The following ZNF514 variants were observed in gnomAD, a reference collection of about 807,000 sequenced individuals.
ZNF514 encodes zinc finger protein 514.
Under a neutral mutation model 9.7 loss-of-function variants are expected in ZNF514, and 12 were observed. The observed-to-expected ratio is 1.24, with a 90% confidence interval of 0.79 to 2.01. The LOEUF is 2.01. ZNF514 is among the 30% of genes most tolerant of loss of function. The pLI is 0.00. For synonymous variants in ZNF514, 158 were observed against 163.7 expected (o/e 0.97, Z 0.27); for missense variants, 467 against 465.5 (o/e 1.00, Z -0.03).
the ZNF514 span, among the ~76,000 whole-genome samples, chr2:95,139,355 T>A: frequency 6.6e-6 from 1 of 152,222 alleles, no homozygotes; most frequent in Non-Finnish European, 1.5e-5. Context: ...AATCTCAGCA[T>A]GGAAAAGCCA....
the ZNF514 span, among the ~76,000 whole-genome samples, chr2:95,133,305 G>A: frequency 2.0e-5 from 3 of 152,170 alleles, no homozygotes; most frequent in Non-Finnish European, 2.9e-5. Flanking sequence ...CTGCACTCCA[G>A]CCTGGGCGAC....
intron 1 of ZNF514, chr2:95,158,920 C>A: frequency 7.8e-7 from 1 of 1,289,820 alleles, no homozygotes; most frequent in Non-Finnish European, 1.0e-6. Flanking sequence ...TCGGTACTAG[C>A]TCCCCAAGAG....
At chr2:95,129,825 CA>C in the ZNF514 span, among the ~76,000 whole-genome samples, 21 of 152,120 alleles carry the variant, frequency 1.4e-4, no homozygotes, top group Non-Finnish European at 2.8e-4. Flanking sequence ...TTATTTAAAA[CA>C]GAGTTTGGGG....
chr2:95,136,348 T>C, the ZNF514 span, among the ~76,000 whole-genome samples: 13 of 152,026 alleles, frequency 8.6e-5, no homozygotes, highest in East Asian at 2.5e-3. Context: ...CCCAGGTTCA[T>C]GTGATTCTCC....
At position 95,146,325 on chromosome 2, in the gene ZNF514, A is replaced by C. The variant is rs1673358680; in HGVS notation, c.*2957T>G. ...ATTGTCCATTTTTAAAAACTTACAC[A>C]AACAAATATGTTTATGATTACAAAT... On this transcript the variant is annotated 3_prime_UTR_variant, in exon 5 of 5. Coordinates refer to ENST00000295208, the MANE Select transcript of ZNF514 (RefSeq NM_032788.3). Among the ~76,000 whole-genome samples, 1 of 131,458 alleles carries C rather than the reference A, an allele frequency of 7.6e-6. No individual in the cohort carries two copies. 86.2% of individuals were successfully genotyped at this position (131,458 alleles called of 152,430 possible). A position where few individuals can be genotyped will look rare whatever the true frequency, so the allele number is the denominator to read the frequency against.
chr2:95,131,464 G>T, the ZNF514 span, among the ~76,000 whole-genome samples: 1 of 152,312 alleles, frequency 6.6e-6, no homozygotes, highest in South Asian at 2.1e-4. Context: ...GGTTCACTCT[G>T]TTCCCAAATG....
the ZNF514 span, among the ~76,000 whole-genome samples, chr2:95,125,121 C>T: frequency 1.3e-5 from 2 of 151,850 alleles, no homozygotes; most frequent in African/African-American, 4.8e-5. Flanking sequence ...TCAAGCGATC[C>T]GCCCACCTCA....
the ZNF514 span, among the ~76,000 whole-genome samples, chr2:95,134,908 T>C: frequency 6.6e-6 from 1 of 152,206 alleles, no homozygotes; most frequent in Admixed American, 6.5e-5. Flanking sequence ...CATAGACACA[T>C]AGGTTTATTT....
At chr2:95,144,188 A>T (rs938161140), downstream of ZNF514, among the ~76,000 whole-genome samples, 3 of 152,204 alleles carry the variant, frequency 2.0e-5, no homozygotes, top group African/African-American at 7.2e-5. Flanking sequence ...TACTTTATTC[A>T]TCCATTGTTG....
chr2:95,149,318 T>G lies in ZNF514; in HGVS notation c.1167A>C (p.Lys389Asn). The change falls in exon 5 of 5, where the codon AAA becomes AAC. Residue 389 changes from lysine to asparagine, a missense_variant. Transcript: ENST00000295208. Reference protein sequence around the residue: ...RAFAHTASLIKHQRSHAGKKT... With the variant: ...RAFAHTASLINHQRSHAGKKT... The stretch of plus-strand genomic sequence containing the variant: ...TTTTTCCAGCATGACTTCTCTGATG[T>G]TTAATAAGGGATGCAGTATGAGCAA... 6.3e-7 allele frequency: 1 copy of G among 1,594,662 alleles called. No homozygotes were observed. The highest frequency in any genetic ancestry group is 8.6e-7 in the Non-Finnish European group (1 of 1,169,536).
At chr2:95,131,562 T>G in the ZNF514 span, among the ~76,000 whole-genome samples, 1 of 152,318 alleles carries the variant, frequency 6.6e-6, no homozygotes, top group Non-Finnish European at 1.5e-5. Context: ...CTTTCCAGTG[T>G]CGGGTGTCAG....
the ZNF514 span, among the ~76,000 whole-genome samples, chr2:95,125,557 T>A: frequency 6.6e-6 from 1 of 152,190 alleles, no homozygotes; most frequent in Non-Finnish European, 1.5e-5. Flanking sequence ...CATTTTTAAG[T>A]GTACAATTCA....
the ZNF514 span, among the ~76,000 whole-genome samples, chr2:95,134,106 C>T: frequency 1.3e-5 from 2 of 152,122 alleles, no homozygotes; most frequent in African/African-American, 4.8e-5. Context: ...CTAAAGGAAT[C>T]TTTTCCCCTA....
Position 95,146,504 on chromosome 2 carries a change from T to C in ZNF514, c.*2778A>G, listed in dbSNP as rs1035675444. The stretch of plus-strand genomic sequence containing the variant: ...TAAGGTAAAGGTTTGCAGGCTGAGA[T>C]GTGGAAAGGCATGTCTGAGGGATGA... On this transcript the variant is annotated 3_prime_UTR_variant, in exon 5 of 5. Coordinates refer to ENST00000295208, the MANE Select transcript of ZNF514 (RefSeq NM_032788.3). 3.3e-5 allele frequency among the ~76,000 whole-genome samples: 5 copies of C among 151,886 alleles called. No homozygotes were observed. Among genetic ancestry groups the C allele is most frequent in the Non-Finnish European group, 7.4e-5 (5 of 67,994 alleles).
At position 95,149,505 on chromosome 2, in the gene ZNF514, T is replaced by C. The variant is rs1186392735; in HGVS notation, c.980A>G (p.Gln327Arg). ...GTAATGCACAATGAGTGATGAGCTC[T>C]GGCTGAAGGTTCTCCCACATTCCCG... Reference protein sequence around the residue: ...ECRECGRTFSQSSSLIVHYRF... With the variant: ...ECRECGRTFSRSSSLIVHYRF... Residue 327 changes from glutamine to arginine, a missense_variant, in exon 5 of 5, where the codon CAG becomes CGG. By Grantham distance (43) the Gln-to-Arg change is conservative. Coordinates refer to ENST00000295208, the MANE Select transcript of ZNF514 (RefSeq NM_032788.3). 1 of 1,614,130 alleles carries C rather than the reference T, an allele frequency of 6.2e-7. No homozygotes were observed. The highest frequency in any genetic ancestry group is 8.5e-7 in the Non-Finnish European group (1 of 1,180,016).
rs931545199 is a variant in ZNF514, at chr2:95,146,873, T to C, written c.*2409A>G. ...TATTTCTGCTCCTGTAAACCTTGGC[T>C]GTCCAGGAATAAATTTCTGTGTGAT... On this transcript the variant is annotated 3_prime_UTR_variant, in exon 5 of 5. Coordinates refer to ENST00000295208, the MANE Select transcript of ZNF514 (RefSeq NM_032788.3). 6.6e-6 allele frequency among the ~76,000 whole-genome samples: 1 copy of C among 152,140 alleles called. No individual in the cohort carries two copies. Among genetic ancestry groups the C allele is most frequent in the African/African-American group, 2.4e-5 (1 of 41,432 alleles).
chr2:95,157,346 C>T lies in ZNF514; in HGVS notation c.-7+5G>A. 1 of 1,289,142 alleles carries T rather than the reference C, an allele frequency of 7.8e-7. No individual in the cohort carries two copies. The highest frequency in any genetic ancestry group is 1.2e-5 in the South Asian group (1 of 81,018). 79.9% of individuals were successfully genotyped at this position (1,289,142 alleles called of 1,614,324 possible). Reference sequence around the variant, plus strand: ...ATTTGAGGAAAAATTAAGAATACAACTCACCCGAGGCCTGGCTTTCAGGAA... The same window carrying T: ...ATTTGAGGAAAAATTAAGAATACAATTCACCCGAGGCCTGGCTTTCAGGAA... On this transcript the variant is annotated splice_donor_5th_base_variant and intron_variant, in intron 2 of 4. Transcript: ENST00000295208.
chr2:95,140,350 T>C (rs1472062324), downstream of ZNF514, among the ~76,000 whole-genome samples: 1 of 152,324 alleles, frequency 6.6e-6, no homozygotes, highest in East Asian at 1.9e-4. Flanking sequence ...CCAGGCACCA[T>C]GGCTCACGCC....
Position 95,148,649 on chromosome 2 carries a change from C to T in ZNF514, c.*633G>A, listed in dbSNP as rs1023290207. On this transcript the variant is annotated 3_prime_UTR_variant, in exon 5 of 5. Coordinates refer to ENST00000295208, the MANE Select transcript of ZNF514 (RefSeq NM_032788.3). ...ACATTCATCACGTCACCAGAGTTTC[C>T]AGCTAGTAGGGAGAGTTCTAAGGGG... is the stretch of plus-strand genomic sequence containing the variant. 5 of 152,094 alleles carry T rather than the reference C, an allele frequency of 3.3e-5. No individual in the cohort carries two copies. The highest frequency in any genetic ancestry group is 7.3e-5 in the Non-Finnish European group (5 of 68,036). The allele number at this position is 152,094 out of a possible 1,614,324, so 9.4% of individuals were successfully genotyped here. A position where few individuals can be genotyped will look rare whatever the true frequency, so the allele number is the denominator to read the frequency against.
Sources: allele counts gnomAD v4.1 joint callset (sites outside exome capture counted in the v4.1 genomes callset), GRCh38; gene constraint gnomAD v4.1.1; transcripts MANE v1.5; gene names NCBI Gene and HGNC (gene_info 2026-07-23, HGNC 2026-07-21).